Variants in OTOGL observed in about 807,000 individuals in gnomAD.
OTOGL encodes otogelin-like protein.
Under a neutral mutation model 318.5 loss-of-function variants are expected in OTOGL, and 285 were observed. The ratio of observed to expected loss-of-function variants is 0.89; its 90% CI spans 0.81 to 0.99. The LOEUF (loss-of-function observed/expected upper bound fraction) is 0.99, where lower values mean the gene tolerates loss of function less well. Among genes scored for constraint, OTOGL ranks in the 50% least tolerant of loss-of-function variants. OTOGL has a pLI of 0.00. For synonymous variants in OTOGL, 987 were observed against 936.5 expected (o/e 1.05, Z -0.99); for missense variants, 2,899 against 2,845.6 (o/e 1.02, Z -0.43).
intron 18 of OTOGL, among the ~76,000 whole-genome samples, chr12:80,260,851 AG>A (rs1882470752): frequency 2.0e-5 from 3 of 152,096 alleles, no homozygotes; most frequent in Non-Finnish European, 2.9e-5. Context: ...CCTTCAGAGG[AG>A]TGAAGAGAGA....
chr12:80,365,246 C>T (rs1890459293), intron 52 of OTOGL, among the ~76,000 whole-genome samples: 1 of 152,046 alleles, frequency 6.6e-6, no homozygotes, highest in African/African-American at 2.4e-5. Context: ...AAAGTGGAAG[C>T]AGCCTAAAGT....
At chr12:80,224,614 T>A (rs1212022851) in intron 7 of OTOGL, among the ~76,000 whole-genome samples, 1 of 152,184 alleles carries the variant, frequency 6.6e-6, no homozygotes, top group Non-Finnish European at 1.5e-5. Flanking sequence ...GTAGTTTTCC[T>A]TGTAGAGGTC....
chr12:80,125,827 A>G (rs373509084), intron 1 of OTOGL, among the ~76,000 whole-genome samples: 2 of 151,876 alleles, frequency 1.3e-5, no homozygotes, highest in Non-Finnish European at 2.9e-5. Context: ...TATTTGTGTA[A>G]AGGTGTTTAT....
intron 1 of OTOGL, among the ~76,000 whole-genome samples, chr12:80,143,440 T>A (rs1210337987): frequency 2.6e-5 from 4 of 152,158 alleles, no homozygotes; most frequent in African/African-American, 9.7e-5. Flanking sequence ...AAGTGATCCC[T>A]GGTGATAGAC....
chr12:80,265,248 AC>A, intron 20 of OTOGL, 38 bp downstream of exon 20: 1 of 1,543,186 alleles, frequency 6.5e-7, no homozygotes, highest in Non-Finnish European at 8.9e-7. Flanking sequence ...ATCAGATAAT[AC>A]CTTAGAGACC....
chr12:80,133,180 C>T (rs1415229498), intron 1 of OTOGL, among the ~76,000 whole-genome samples: 1 of 151,542 alleles, frequency 6.6e-6, no homozygotes, highest in East Asian at 1.9e-4. Flanking sequence ...TTAAAATTTC[C>T]TTGAAAAAAA....
At chr12:80,360,822 A>C (rs1033518335) in intron 52 of OTOGL, among the ~76,000 whole-genome samples, 1 of 151,996 alleles carries the variant, frequency 6.6e-6, no homozygotes, top group African/African-American at 2.4e-5. Flanking sequence ...ACCAGTATAC[A>C]ATCTTTGTGT....
At chr12:80,196,752 T>A (rs1876100760) in intron 1 of OTOGL, among the ~76,000 whole-genome samples, 1 of 152,202 alleles carries the variant, frequency 6.6e-6, no homozygotes, top group Non-Finnish European at 1.5e-5. Context: ...TAACCCCTGC[T>A]TTGTTCCAGT....
chr12:80,305,706 T>G lies in OTOGL; in HGVS notation c.3333+11T>G. ...TGGGCATTAGGACAGGTAAGTTACA[T>G]AAATGTATTTTAGAAGTCAACAAAA... On this transcript the variant is annotated intron_variant, in intron 29 of 58. Transcript: ENST00000547103. The G allele has an allele frequency of 6.6e-7, 1 of 1,506,982 alleles. No individual in the cohort carries two copies. The highest frequency in any genetic ancestry group is 8.8e-7 in the Non-Finnish European group (1 of 1,140,584). 93.4% of individuals were successfully genotyped at this position (1,506,982 alleles called of 1,614,324 possible).
At chr12:80,208,191 A>G (rs1413363689) in intron 1 of OTOGL, 1 of 517,254 alleles carries the variant, frequency 1.9e-6, no homozygotes, top group Non-Finnish European at 3.9e-6. Context: ...GGAATTAGCT[A>G]TTATTTCGGC....
At chr12:80,203,130 A>G (rs909763813) in intron 1 of OTOGL, among the ~76,000 whole-genome samples, 1 of 152,312 alleles carries the variant, frequency 6.6e-6, no homozygotes, top group African/African-American at 2.4e-5. Flanking sequence ...ACAAATTACC[A>G]CAAATTTAAT....
At chr12:80,185,400 T>C (rs1875217974) in intron 1 of OTOGL, among the ~76,000 whole-genome samples, 1 of 152,162 alleles carries the variant, frequency 6.6e-6, no homozygotes, top group African/African-American at 2.4e-5. Context: ...CCGATTCCCC[T>C]GCCTCAGCCT....
intron 38 of OTOGL, among the ~76,000 whole-genome samples, chr12:80,333,554 T>G (rs11114406): frequency 0.19 from 28,362 of 151,926 alleles, 2,826 homozygotes; most frequent in Middle Eastern, 0.23. Flanking sequence ...CAATATTTAT[T>G]TAGCACCATT....
At chr12:80,109,980 C>T (rs2137077722) in intron 1 of OTOGL, among the ~76,000 whole-genome samples, 1 of 151,728 alleles carries the variant, frequency 6.6e-6, no homozygotes, top group African/African-American at 2.4e-5. Context: ...GCAGAACATG[C>T]AGGTTTGTTA....
At chr12:80,175,665 T>C (rs955488058) in intron 1 of OTOGL, among the ~76,000 whole-genome samples, 2 of 152,158 alleles carry the variant, frequency 1.3e-5, no homozygotes, top group Admixed American at 6.6e-5. Context: ...CCCAGTAACC[T>C]GTGTCAGACT....
At chr12:80,285,375 C>T (rs1050662973) in intron 26 of OTOGL, among the ~76,000 whole-genome samples, 1 of 151,954 alleles carries the variant, frequency 6.6e-6, no homozygotes, top group Non-Finnish European at 1.5e-5. Context: ...TTTTTTGATT[C>T]CATATGAAAT....
chr12:80,315,819 G>T (rs192159198), intron 32 of OTOGL, among the ~76,000 whole-genome samples: 2 of 152,240 alleles, frequency 1.3e-5, no homozygotes, highest in African/African-American at 2.4e-5. Flanking sequence ...GGTAGTTAAA[G>T]AAAATCGAAC....
chr12:80,218,621 T>C (rs1181092357), intron 5 of OTOGL, among the ~76,000 whole-genome samples: 1 of 152,084 alleles, frequency 6.6e-6, no homozygotes, highest in Non-Finnish European at 1.5e-5. Context: ...GAGATGATGG[T>C]AAAATTAGGG....
At chr12:80,372,085 T>C in intron 57 of OTOGL, 21 bp downstream of exon 57, 2 of 1,486,488 alleles carry the variant, frequency 1.3e-6, no homozygotes, top group Non-Finnish European at 1.8e-6. Flanking sequence ...GCATATTCCA[T>C]GCATTTACTT....
Sources: allele counts gnomAD v4.1 joint callset (sites outside exome capture counted in the v4.1 genomes callset), GRCh38; gene constraint gnomAD v4.1.1; transcripts MANE v1.5; gene names NCBI Gene and HGNC (gene_info 2026-07-23, HGNC 2026-07-21).